The following ABTB2 variants were observed in gnomAD, a reference collection of about 807,000 sequenced individuals.
ABTB2 encodes ankyrin repeat and BTB domain containing 2.
Under a neutral mutation model 104.1 loss-of-function variants are expected in ABTB2, and 56 were observed. That is an observed-to-expected ratio of 0.54 (90% CI 0.43 to 0.67). The LOEUF (loss-of-function observed/expected upper bound fraction) is 0.67. Among genes scored for constraint, ABTB2 ranks in the 30% least tolerant of loss-of-function variants. ABTB2 has a pLI of 0.00. For synonymous variants in ABTB2, 606 were observed against 608.2 expected, an observed-to-expected ratio of 1.00 and a Z score of 0.05; for missense variants, 1,279 against 1,407.7, an observed-to-expected ratio of 0.91 and a Z score of 1.46.
At chr11:34,174,604 G>A (rs568355685) in intron 3 of ABTB2, among the ~76,000 whole-genome samples, 79 of 152,314 alleles carry the variant, frequency 5.2e-4, no homozygotes, top group Non-Finnish European at 7.1e-4. Context: ...GCTGGGGGGC[G>A]GGGACGCGTT....
At chr11:34,209,905 G>T (rs1853460724) in intron 1 of ABTB2, among the ~76,000 whole-genome samples, 1 of 150,964 alleles carries the variant, frequency 6.6e-6, no homozygotes, top group Admixed American at 6.6e-5. Flanking sequence ...CAATGGTAGG[G>T]GTATGGGTGG....
chr11:34,164,553 C>T, intron 9 of ABTB2, 133 bp downstream of exon 9: 1 of 1,124,606 alleles, frequency 8.9e-7, no homozygotes. Context: ...TTCTGGTTTA[C>T]TAGCACACAG....
In ABTB2 at chr11:34,356,761, C is replaced by T; in HGVS notation, c.823G>A (p.Ala275Thr). Residue 275 changes from alanine to threonine, a missense_variant, in exon 1 of 17, where the codon GCC (alanine) becomes ACC (threonine). Transcript: ENST00000435224. This position sits in a 1 kb window ranked among gnomAD's most constrained non-coding sequence, Gnocchi z 4.6. ...GGCTGCAAGACGCCCCAGAGCTCGG[C>T]GTCGTTGTTGATGACCATCTCCAGG... The part of the protein sequence containing the change: ...EALEMVINND[A>T]ELWGVLQPYE... 1 of 1,611,626 alleles carries T rather than the reference C, an allele frequency of 6.2e-7. No individual in the cohort carries two copies. Among genetic ancestry groups the T allele is most frequent in the Non-Finnish European group, 8.5e-7 (1 of 1,178,940 alleles).
intron 1 of ABTB2, among the ~76,000 whole-genome samples, chr11:34,338,110 G>C (rs969626817): frequency 2.0e-5 from 3 of 152,168 alleles, no homozygotes; most frequent in African/African-American, 7.2e-5. Context: ...GCCAGGCACA[G>C]TGGCTCACAC....
chr11:34,172,014 T>C (rs2133015863), intron 4 of ABTB2, among the ~76,000 whole-genome samples: 1 of 152,104 alleles, frequency 6.6e-6, no homozygotes, highest in South Asian at 2.1e-4. Context: ...TGTCCTAGAA[T>C]GGGGTTTGGG....
At chr11:34,265,120 T>C (rs1854232142) in intron 1 of ABTB2, among the ~76,000 whole-genome samples, 1 of 152,210 alleles carries the variant, frequency 6.6e-6, no homozygotes, top group Non-Finnish European at 1.5e-5. Context: ...CTAAGGAAGA[T>C]GCAGGGATAC....
At chr11:34,289,433 T>C (rs1854540368) in intron 1 of ABTB2, among the ~76,000 whole-genome samples, 1 of 152,170 alleles carries the variant, frequency 6.6e-6, no homozygotes, top group Admixed American at 6.5e-5. Flanking sequence ...ACCTACATTG[T>C]TTTATTTTAT....
In ABTB2 at chr11:34,152,536, T is replaced by G. The variant is rs1296783092; in HGVS notation, c.2929A>C (p.Lys977Gln). ...LALFCEGFFL[K>Q]HMKALLEQDA... ...TGCTCCAGTAGGGCCTTCATGTGCT[T>G]GAGGAAGAAGCCCTCACAGAACAGG... The change falls in exon 17 of 17, where the codon AAG becomes CAG. Residue 977 changes from lysine (K) to glutamine (Q), a missense_variant. Coordinates refer to ENST00000435224, the MANE Select transcript of ABTB2 (RefSeq NM_145804.3). 1 of 1,612,734 alleles carries G rather than the reference T, an allele frequency of 6.2e-7. No homozygotes were observed. The highest frequency in any genetic ancestry group is 1.1e-5 in the South Asian group (1 of 90,620).
chr11:34,183,256 A>G (rs1469064445), intron 3 of ABTB2, among the ~76,000 whole-genome samples: 1 of 152,154 alleles, frequency 6.6e-6, no homozygotes, highest in East Asian at 1.9e-4. Context: ...GTGTGCCACC[A>G]GACTCGGCTA....
chr11:34,184,816 C>T (rs1853076142), intron 3 of ABTB2, among the ~76,000 whole-genome samples: 1 of 152,278 alleles, frequency 6.6e-6, no homozygotes, highest in African/African-American at 2.4e-5. Flanking sequence ...GGGCTCACTG[C>T]AGCCATGTGC....
At chr11:34,315,592 T>C (rs1190512061) in intron 1 of ABTB2, among the ~76,000 whole-genome samples, 1 of 152,190 alleles carries the variant, frequency 6.6e-6, no homozygotes, top group East Asian at 1.9e-4. Flanking sequence ...ATCCAGTGCC[T>C]GTCTCCTCCA....
chr11:34,258,737 G>A (rs1160380100), intron 1 of ABTB2, among the ~76,000 whole-genome samples: 1 of 150,560 alleles, frequency 6.6e-6, no homozygotes, highest in Non-Finnish European at 1.5e-5. Context: ...TCAGCCTCCT[G>A]AGTAAGGCAC....
chr11:34,228,140 A>G lies in ABTB2; in HGVS notation c.884-23450T>C, dbSNP rs530005514. 1.5e-4 allele frequency among the ~76,000 whole-genome samples: 11 copies of G among 71,724 alleles called. 4 individuals are homozygous for G. In the South Asian group the frequency reaches 5.0e-3, roughly 33 times the overall value. The allele number at this position is 71,724 out of a possible 152,430, so 47.1% of individuals were successfully genotyped here. ...AGTAGCATGATCTTGGCTCACTGCA[A>G]CCTCTGCATCCCAGGTTCAAGCAAT... On this transcript the variant is annotated intron_variant, in intron 1 of 16. Transcript: ENST00000435224.
chr11:34,342,506 GC>G (rs1382520199), intron 1 of ABTB2, among the ~76,000 whole-genome samples: 2 of 152,224 alleles, frequency 1.3e-5, no homozygotes, highest in East Asian at 3.8e-4. Flanking sequence ...AGCTCAAAGA[GC>G]CCGGCTGTGT....
At chr11:34,191,946 G>A (rs892749924) in intron 3 of ABTB2, among the ~76,000 whole-genome samples, 2 of 152,106 alleles carry the variant, frequency 1.3e-5, no homozygotes, top group African/African-American at 2.4e-5. Flanking sequence ...ACAAACCATC[G>A]TGCTGATAAT....
intron 1 of ABTB2, among the ~76,000 whole-genome samples, chr11:34,288,507 A>C (rs1450507973): frequency 6.6e-6 from 1 of 152,166 alleles, no homozygotes; most frequent in Non-Finnish European, 1.5e-5. Context: ...AAGTTTTCTG[A>C]GCACTTTAAA....
At chr11:34,229,121 G>GAAAAAAAAA (rs370579783) in intron 1 of ABTB2, among the ~76,000 whole-genome samples, 1 of 103,774 alleles carries the variant, frequency 9.6e-6, no homozygotes, top group African/African-American at 3.6e-5. Context: ...CTCCGTCTTG[G>GAAAAAAAAA]AAAAAAAAAA....
At position 34,176,561 on chromosome 11, in the gene ABTB2, G is replaced by A. The variant is rs138819183; in HGVS notation, c.1245-3254C>T. Among the ~76,000 whole-genome samples, 1,319 of 152,340 alleles carry A rather than the reference G, an allele frequency of 8.7e-3. 5 individuals are homozygous for A. Among genetic ancestry groups the A allele is most frequent in the Middle Eastern group, 0.041 (12 of 294 alleles). On this transcript the variant is annotated intron_variant, in intron 3 of 16. Transcript: ENST00000435224. ...GGAGGCTGAGGCAGGAAGACAGGTT[G>A]AGCCCAAGAGCTGGAGGCTACAGTA...
chr11:34,356,827 C>T lies in ABTB2; in HGVS notation c.757G>A (p.Asp253Asn), dbSNP rs1855470833. ...RARVMASHSP[D>N]GGGAGGGEVS... Reference sequence around the variant, plus strand: ...TCCCCGCCTCCGGCCCCTCCGCCATCAGGGCTGTGGCTGGCCATCACCCTG... The same window carrying T: ...TCCCCGCCTCCGGCCCCTCCGCCATTAGGGCTGTGGCTGGCCATCACCCTG... Residue 253 changes from aspartate to asparagine, a missense_variant, in exon 1 of 17, where the codon GAT becomes AAT. Asp to Asn is a conservative substitution (Grantham distance 23). Coordinates refer to ENST00000435224, the MANE Select transcript of ABTB2 (RefSeq NM_145804.3). This position sits in a 1 kb window ranked among gnomAD's most constrained non-coding sequence, Gnocchi z 4.6. 6.2e-7 allele frequency: 1 copy of T among 1,607,188 alleles called. No individual in the cohort carries two copies. Among genetic ancestry groups the T allele is most frequent in the Non-Finnish European group, 8.5e-7 (1 of 1,176,880 alleles).
Sources: gnomAD v4.1 joint callset for allele counts (sites outside exome capture counted in the v4.1 genomes callset) on GRCh38, gnomAD v4.1.1 for gene constraint, Gnocchi (gnomAD v3.1) non-coding constraint, MANE v1.5 for transcripts, NCBI Gene and HGNC (gene_info 2026-07-23, HGNC 2026-07-21) for gene names.